Variants in SNTG1 observed in about 807,000 individuals in gnomAD.
SNTG1 encodes gamma-1-syntrophin.
In SNTG1, 39 loss-of-function variants were observed where a neutral mutation model predicts 74.7. That is an observed-to-expected ratio of 0.52 (90% CI 0.40 to 0.68). The LOEUF (loss-of-function observed/expected upper bound fraction) is 0.68, where lower values mean the gene tolerates loss of function less well. Among genes scored for constraint, SNTG1 ranks in the 30% least tolerant of loss-of-function variants. The probability of loss-of-function intolerance (pLI) is 0.00; values close to 1 mark genes in which losing one functional copy is unlikely to be tolerated. For synonymous variants in SNTG1, 254 were observed against 217.1 expected (o/e 1.17, Z -1.49); for missense variants, 685 against 609.5 (o/e 1.12, Z -1.30).
intron 12 of SNTG1, among the ~76,000 whole-genome samples, chr8:50,586,603 A>C (rs1214750559): frequency 6.6e-6 from 1 of 152,084 alleles, no homozygotes; most frequent in Non-Finnish European, 1.5e-5. Flanking sequence ...GGTCATTAAA[A>C]GATTTTAGAA....
At chr8:50,104,398 G>T (rs1017239101) in intron 1 of SNTG1, among the ~76,000 whole-genome samples, 1 of 152,072 alleles carries the variant, frequency 6.6e-6, no homozygotes, top group Non-Finnish European at 1.5e-5. Context: ...CTGTGGGATC[G>T]GTGCTGATAT....
chr8:50,124,211 T>A (rs1054845153), intron 1 of SNTG1, among the ~76,000 whole-genome samples: 1 of 141,554 alleles, frequency 7.1e-6, no homozygotes, highest in African/African-American at 2.6e-5. Context: ...GAAGACCATG[T>A]GAAGACACAG....
At chr8:50,653,729 A>G (rs1024778389) in intron 13 of SNTG1, among the ~76,000 whole-genome samples, 1 of 152,196 alleles carries the variant, frequency 6.6e-6, no homozygotes, top group African/African-American at 2.4e-5. Flanking sequence ...TTACTTTACA[A>G]CAGTGGCCCA....
chr8:50,244,340 G>C (rs549495396), intron 2 of SNTG1, among the ~76,000 whole-genome samples: 1 of 152,084 alleles, frequency 6.6e-6, no homozygotes, highest in Non-Finnish European at 1.5e-5. Context: ...TCCAAATCAT[G>C]TCTGAGAAGG....
chr8:50,441,160 G>T (rs2093354405), intron 5 of SNTG1, among the ~76,000 whole-genome samples: 1 of 152,074 alleles, frequency 6.6e-6, no homozygotes, highest in Admixed American at 6.6e-5. Flanking sequence ...TGATTAATAT[G>T]TCTCAGCGGC....
chr8:50,771,308 G>A (rs748765513), intron 18 of SNTG1, among the ~76,000 whole-genome samples: 31 of 152,202 alleles, frequency 2.0e-4, no homozygotes, highest in Middle Eastern at 3.4e-3. Flanking sequence ...AACAGTGGAA[G>A]ATATGCCTAT....
chr8:50,398,501 A>T (rs933001025), intron 3 of SNTG1, among the ~76,000 whole-genome samples: 3 of 152,094 alleles, frequency 2.0e-5, no homozygotes, highest in South Asian at 4.1e-4. Flanking sequence ...TCCTCAATTA[A>T]TTTTTTTCAA....
chr8:49,916,415 A>T (rs756748230), intron 1 of SNTG1, among the ~76,000 whole-genome samples: 2 of 152,206 alleles, frequency 1.3e-5, no homozygotes, highest in Non-Finnish European at 2.9e-5. Context: ...CAGCAAAGAT[A>T]AAGTGATCAT....
At chr8:49,975,797 G>C (rs1267616953) in intron 1 of SNTG1, among the ~76,000 whole-genome samples, 2 of 148,174 alleles carry the variant, frequency 1.3e-5, no homozygotes, top group Non-Finnish European at 3.0e-5. Context: ...GTGTGTAAAG[G>C]CTCCATTCTT....
rs2093328680 is a variant in SNTG1 at position 50,438,594 on chromosome 8, A to C, written c.214A>C (p.Ile72Leu). 2 of 1,612,936 alleles carry C rather than the reference A, an allele frequency of 1.2e-6. No homozygotes were observed. The highest frequency in any genetic ancestry group is 1.3e-5 in the African/African-American group (1 of 74,894). ...RQTVGGFGLS[I>L]KGGAEHNIPV... Reference sequence around the variant, plus strand: ...AACAGTAGGAGGATTTGGATTAAGCATAAAGGTAGCCTGCCTTTCTAGTCT... The same window carrying C: ...AACAGTAGGAGGATTTGGATTAAGCCTAAAGGTAGCCTGCCTTTCTAGTCT... Residue 72 changes from isoleucine (I) to leucine (L), a missense_variant, in exon 5 of 19, where the codon ATA (isoleucine) becomes CTA (leucine). By Grantham distance (5) the Ile-to-Leu change is conservative. Coordinates refer to ENST00000642720, the MANE Select transcript of SNTG1 (RefSeq NM_018967.5).
intron 1 of SNTG1, among the ~76,000 whole-genome samples, chr8:50,124,413 T>C (rs1025797580): frequency 1.4e-5 from 2 of 142,440 alleles, no homozygotes; most frequent in Non-Finnish European, 3.1e-5. Context: ...GTGAATAGTA[T>C]TGCTGCTAAA....
At chr8:50,724,987 T>C (rs2095496554) in intron 17 of SNTG1, among the ~76,000 whole-genome samples, 2 of 152,192 alleles carry the variant, frequency 1.3e-5, no homozygotes, top group Admixed American at 1.3e-4. Flanking sequence ...CATCATTTAA[T>C]TATCTGTGGA....
chr8:50,186,294 A>T (rs2083381990), intron 2 of SNTG1, among the ~76,000 whole-genome samples: 1 of 152,162 alleles, frequency 6.6e-6, no homozygotes, highest in Non-Finnish European at 1.5e-5. Flanking sequence ...TATTGTAAAT[A>T]GTGCTGCAGT....
chr8:50,402,189 G>GC (rs2092814392), intron 3 of SNTG1, 21 bp from the exon 4 acceptor site: 1 of 883,186 alleles, frequency 1.1e-6, no homozygotes, highest in South Asian at 2.3e-5. Flanking sequence ...TCCTCTGTTT[G>GC]TTTTTTTTTT....
At chr8:50,196,478 CAG>C (rs2083772467) in intron 2 of SNTG1, among the ~76,000 whole-genome samples, 1 of 152,142 alleles carries the variant, frequency 6.6e-6, no homozygotes, top group South Asian at 2.1e-4. Flanking sequence ...TCTACTTTTA[CAG>C]CAAGTGTGGA....
chr8:50,189,049 G>T (rs909993499), intron 2 of SNTG1, among the ~76,000 whole-genome samples: 5 of 152,016 alleles, frequency 3.3e-5, no homozygotes, highest in African/African-American at 9.7e-5. Flanking sequence ...ATCTTAATGA[G>T]GTACACACTT....
At chr8:49,974,738 A>G (rs1812032973) in intron 1 of SNTG1, among the ~76,000 whole-genome samples, 2 of 152,168 alleles carry the variant, frequency 1.3e-5, no homozygotes, top group Non-Finnish European at 2.9e-5. Context: ...AAATAATGTA[A>G]GAAGCTTAAG....
chr8:49,964,601 G>T (rs567378510), intron 1 of SNTG1, among the ~76,000 whole-genome samples: 65 of 152,338 alleles, frequency 4.3e-4, no homozygotes, highest in African/African-American at 1.5e-3. Flanking sequence ...CTTACTGACA[G>T]TTGGATTAGT....
chr8:50,392,716 T>C (rs1277218390), intron 2 of SNTG1, among the ~76,000 whole-genome samples: 1 of 152,080 alleles, frequency 6.6e-6, no homozygotes. Context: ...AATGTTTTGA[T>C]GAAAAAGAAT....
Sources: gnomAD v4.1 joint callset for allele counts (sites outside exome capture counted in the v4.1 genomes callset) on GRCh38, gnomAD v4.1.1 for gene constraint, MANE v1.5 for transcripts, NCBI Gene and HGNC (gene_info 2026-07-23, HGNC 2026-07-21) for gene names.